The following KLHL4 variants were observed in gnomAD, a reference collection of about 807,000 sequenced individuals.
KLHL4 encodes kelch-like protein 4.
KLHL4 carries 17 observed loss-of-function variants against 45.8 expected under a neutral mutation model. The ratio of observed to expected loss-of-function variants is 0.37; its 90% CI spans 0.25 to 0.56. The LOEUF is 0.56. Ranked by LOEUF, KLHL4 falls within the 20% of genes least tolerant of loss-of-function variation. The pLI, the probability that KLHL4 is intolerant of heterozygous loss-of-function variation, is 0.79. For missense variants in KLHL4, 544 were observed against 544.9 expected, an observed-to-expected ratio of 1.00 and a Z score of 0.02; for synonymous variants, 224 against 189.9, an observed-to-expected ratio of 1.18 and a Z score of -1.47.
chrX:87,669,202 A>G lies in KLHL4; in HGVS notation c.*2668A>G. 5.5e-6 allele frequency: 6 copies of G among 1,096,104 alleles called. No individual in the cohort carries two copies. The highest frequency in any genetic ancestry group is 6.0e-6 in the Non-Finnish European group (5 of 835,856). 90.3% of individuals were successfully genotyped at this position (1,096,104 alleles called of 1,213,427 possible). On this transcript the variant is annotated 3_prime_UTR_variant, in exon 11 of 11. Transcript: ENST00000373119. ...CATTTACTGTACTCAGATCTGAAAG[A>G]CAATGTTGCTTCTTGATTTTTTTCT...
At chrX:87,571,663 A>G (rs186754411) in intron 1 of KLHL4, among the ~76,000 whole-genome samples, 1 of 111,277 alleles carries the variant, frequency 9.0e-6, no homozygotes, top group African/African-American at 3.2e-5. Flanking sequence ...TTTTCCCTAT[A>G]TTTTTATAAC....
At chrX:87,616,838 G>T (rs1293554818) in intron 3 of KLHL4, among the ~76,000 whole-genome samples, 1 of 111,446 alleles carries the variant, frequency 9.0e-6, no homozygotes, top group African/African-American at 3.3e-5. Context: ...AACAATACAA[G>T]AGAGTCTGCT....
At chrX:87,665,054 A>C (rs1256755388) in intron 10 of KLHL4, 119 bp downstream of exon 10, 1 of 447,863 alleles carries the variant, frequency 2.2e-6, no homozygotes, top group African/African-American at 2.5e-5. Context: ...CTTTTAGTGA[A>C]ATTTATAGTA....
At position 87,541,351 on chromosome X, in the gene KLHL4, G is replaced by A. The variant is rs1184468402; in HGVS notation, c.422+23036G>A. ...ATACAAAAAATTAGCTGGGTGTGGT[G>A]GTGCACACCTGTAGTCCCAGCTACT... On this transcript the variant is annotated intron_variant, in intron 1 of 10. Coordinates refer to ENST00000373119, the MANE Select transcript of KLHL4 (RefSeq NM_019117.5). 4.7e-5 allele frequency among the ~76,000 whole-genome samples: 5 copies of A among 107,516 alleles called. 1 individual carries two copies. Among genetic ancestry groups the A allele is most frequent in the Non-Finnish European group, 1.9e-5 (1 of 51,837 alleles). 93.4% of individuals were successfully genotyped at this position (107,516 alleles called of 115,157 possible).
chrX:87,660,195 G>C (rs1924142324), intron 9 of KLHL4, among the ~76,000 whole-genome samples: 1 of 111,555 alleles, frequency 9.0e-6, no homozygotes. Context: ...GTCATAGACA[G>C]CACACAACTC....
chrX:87,633,739 A>AT lies in KLHL4; in HGVS notation c.1550-3dup, dbSNP rs768360769. ...CTAGGTGAACCCACATATTATTTTA[A>AT]TTTTTTTAGGTGTAGCCACTCTTGA... On this transcript the variant is annotated splice_polypyrimidine_tract_variant and intron_variant, in intron 7 of 10. Coordinates refer to ENST00000373119, the MANE Select transcript of KLHL4 (RefSeq NM_019117.5). The AT allele has an allele frequency of 8.6e-7, 1 of 1,167,947 alleles. No homozygotes were observed. The highest frequency in any genetic ancestry group is 1.1e-6 in the Non-Finnish European group (1 of 872,796).
At chrX:87,581,513 G>A (rs954053233) in intron 1 of KLHL4, among the ~76,000 whole-genome samples, 2 of 112,873 alleles carry the variant, frequency 1.8e-5, no homozygotes, top group Admixed American at 9.3e-5. Context: ...TCCAGAGACA[G>A]TGGCAAAAGG....
rs774888999 is a variant in KLHL4, at chrX:87,632,380, G to T, written c.1495G>T (p.Val499Phe). Residue 499 changes from valine to phenylalanine, a missense_variant, in exon 7 of 11, where the codon GTT (valine) becomes TTT (phenylalanine). By Grantham distance (50) the Val-to-Phe change is conservative. Transcript: ENST00000373119. ...TLNTVECFNP[V>F]GKIWTVMPPM... ...GAATACAGTGGAATGTTTTAATCCA[G>T]TTGGCAAAATCTGGACTGTGATGCC... 2 of 1,209,294 alleles carry T rather than the reference G, an allele frequency of 1.7e-6. No individual in the cohort carries two copies. Among genetic ancestry groups the T allele is most frequent in the South Asian group, 1.8e-5 (1 of 56,737 alleles).
chrX:87,533,512 C>A (rs1931353005), intron 1 of KLHL4, among the ~76,000 whole-genome samples: 2 of 98,107 alleles, frequency 2.0e-5, no homozygotes, highest in Non-Finnish European at 4.0e-5. Flanking sequence ...AATGAGAACA[C>A]ATGGTCACAG....
chrX:87,659,712 G>T (rs750600314), intron 9 of KLHL4, among the ~76,000 whole-genome samples: 30 of 111,245 alleles, frequency 2.7e-4, no homozygotes, highest in African/African-American at 9.1e-4. Context: ...GACTTAATTT[G>T]TTATTTTAAA....
chrX:87,659,959 AGTGTGTGT>A lies in KLHL4; in HGVS notation c.1926-4789_1926-4782del, dbSNP rs113545604. On this transcript the variant is annotated intron_variant, in intron 9 of 10. Transcript: ENST00000373119. ...TTCCGGATGTGTGTGTGCGCGTATG[AGTGTGTGT>A]GTGTGTGTGTGTGTGCACGTGTGTG... Among the ~76,000 whole-genome samples, 753 of 103,504 alleles carry A rather than the reference AGTGTGTGT, an allele frequency of 7.3e-3. 8 individuals carry two copies. Among genetic ancestry groups the A allele is most frequent in the African/African-American group, 0.025 (703 of 28,317 alleles). The allele number at this position is 103,504 out of a possible 115,157, so 89.9% of individuals were successfully genotyped here. A position where few individuals can be genotyped will look rare whatever the true frequency, so the allele number is the denominator to read the frequency against.
chrX:87,587,175 G>T (rs1021693958), intron 1 of KLHL4, among the ~76,000 whole-genome samples: 1 of 92,873 alleles, frequency 1.1e-5, no homozygotes, highest in East Asian at 3.8e-4. Context: ...AAAAGCCCAG[G>T]ACCCATGGCT....
At chrX:87,532,309 C>A (rs897798259) in intron 1 of KLHL4, among the ~76,000 whole-genome samples, 3 of 110,824 alleles carry the variant, frequency 2.7e-5, no homozygotes, top group African/African-American at 9.9e-5. Context: ...GTTTTGGTAC[C>A]AGTACCATGC....
chrX:87,563,760 A>G (rs1198520776), intron 1 of KLHL4, among the ~76,000 whole-genome samples: 2 of 110,882 alleles, frequency 1.8e-5, no homozygotes, highest in African/African-American at 3.3e-5. Flanking sequence ...ATTCAAGTAC[A>G]AGGAGGTTAT....
intron 1 of KLHL4, among the ~76,000 whole-genome samples, chrX:87,521,754 A>G (rs897990405): frequency 2.7e-5 from 3 of 112,457 alleles, no homozygotes; most frequent in Non-Finnish European, 5.6e-5. Flanking sequence ...AATCAATGCC[A>G]CATGTCCCCA....
At chrX:87,577,013 G>C (rs1285568534) in intron 1 of KLHL4, among the ~76,000 whole-genome samples, 1 of 111,438 alleles carries the variant, frequency 9.0e-6, no homozygotes, top group Non-Finnish European at 1.9e-5. Flanking sequence ...AAAACTTCAT[G>C]AACAATGAAA....
Position 87,667,240 on chromosome X carries a change from G to A in KLHL4, c.*706G>A. 1 of 707,972 alleles carries A rather than the reference G, an allele frequency of 1.4e-6. No homozygotes were observed. The highest frequency in any genetic ancestry group is 1.7e-6 in the Non-Finnish European group (1 of 597,503). The allele number at this position is 707,972 out of a possible 1,213,427, so 58.3% of individuals were successfully genotyped here. On this transcript the variant is annotated 3_prime_UTR_variant, in exon 11 of 11. Transcript: ENST00000373119. ...GATTTGTTACCAGTAAAATATTACT[G>A]TAATTTCATATACACAGTCTATACA...
intron 4 of KLHL4, among the ~76,000 whole-genome samples, chrX:87,621,021 AAAT>A (rs2147817572): frequency 8.9e-6 from 1 of 112,059 alleles, no homozygotes; most frequent in South Asian, 3.7e-4. Flanking sequence ...TTATTTGTCT[AAAT>A]AGGCCAGTTT....
At chrX:87,654,764 AGT>A (rs1923932950) in intron 9 of KLHL4, among the ~76,000 whole-genome samples, 1 of 111,821 alleles carries the variant, frequency 8.9e-6, no homozygotes, top group African/African-American at 3.3e-5. Context: ...TCCCACCAAC[AGT>A]GTGTAAGTGT....
Sources: gnomAD v4.1 joint callset for allele counts (sites outside exome capture counted in the v4.1 genomes callset) on GRCh38, gnomAD v4.1.1 for gene constraint, MANE v1.5 for transcripts, NCBI Gene and HGNC (gene_info 2026-07-23, HGNC 2026-07-21) for gene names.